ERC2: variants seen among roughly 807,000 people sequenced by gnomAD.
The protein encoded by ERC2 is ERC protein 2.
A neutral mutation model predicts 114.8 loss-of-function variants in ERC2; 42 were observed. That is an observed-to-expected ratio of 0.37 (90% CI 0.29 to 0.47). The LOEUF is 0.47. ERC2 is among the 20% of genes least tolerant of loss of function. ERC2 has a pLI of 0.99. For missense variants in ERC2, 939 were observed against 1,150.7 expected, an observed-to-expected ratio of 0.82 and a Z score of 2.66; for synonymous variants, 454 against 425.5, an observed-to-expected ratio of 1.07 and a Z score of -0.82.
rs567061511 is a variant in ERC2 at position 56,157,260 on chromosome 3, T to C, written c.1150-8128A>G. Among the ~76,000 whole-genome samples, 7 of 152,228 alleles carry C rather than the reference T, an allele frequency of 4.6e-5. No individual in the cohort carries two copies. In the South Asian group the frequency reaches 1.5e-3, roughly 32 times the overall value. ...ATTCTGGTTCTTTCTTCCACAGTAA[T>C]TTTAGCCTCTAAAGATCACCGAGCA... is the stretch of plus-strand genomic sequence containing the variant. On this transcript the variant is annotated intron_variant, in intron 4 of 17. Coordinates refer to ENST00000288221, the MANE Select transcript of ERC2 (RefSeq NM_015576.3).
At chr3:56,374,869 C>T (rs2059482353) in intron 2 of ERC2, among the ~76,000 whole-genome samples, 1 of 152,124 alleles carries the variant, frequency 6.6e-6, no homozygotes, top group Non-Finnish European at 1.5e-5. Flanking sequence ...AATGACTAAT[C>T]CTGATTATCT....
intron 15 of ERC2, among the ~76,000 whole-genome samples, chr3:55,707,616 G>C (rs1559528279): frequency 6.6e-6 from 1 of 152,158 alleles, no homozygotes; most frequent in Non-Finnish European, 1.5e-5. Context: ...ATAATGTTAG[G>C]ATCCTAACCG....
At chr3:55,902,643 G>C (rs1017802148) in intron 13 of ERC2, among the ~76,000 whole-genome samples, 2 of 152,184 alleles carry the variant, frequency 1.3e-5, no homozygotes, top group African/African-American at 4.8e-5. Context: ...CACAAGAGTA[G>C]ATCCGCTAAA....
intron 17 of ERC2, among the ~76,000 whole-genome samples, chr3:55,666,294 C>T (rs58824827): frequency 0.4 from 61,426 of 151,864 alleles, 13,090 homozygotes; most frequent in East Asian, 0.56. Flanking sequence ...CTTTCCAAAT[C>T]ACCATCTCCT....
intron 3 of ERC2, among the ~76,000 whole-genome samples, chr3:56,178,785 G>T (rs575441108): frequency 4.6e-5 from 7 of 152,022 alleles, no homozygotes; most frequent in Non-Finnish European, 8.8e-5. Flanking sequence ...GGAGGAAAAG[G>T]CACGATAATT....
At chr3:55,891,964 T>G (rs986928869) in intron 13 of ERC2, among the ~76,000 whole-genome samples, 5 of 152,200 alleles carry the variant, frequency 3.3e-5, no homozygotes, top group Admixed American at 3.3e-4. Flanking sequence ...ACTGATTGAC[T>G]GTACATATGT....
At chr3:55,716,682 T>G (rs1284556279) in intron 15 of ERC2, among the ~76,000 whole-genome samples, 1 of 152,218 alleles carries the variant, frequency 6.6e-6, no homozygotes, top group Admixed American at 6.5e-5. Flanking sequence ...CAATAAACTC[T>G]GTGGATCAAC....
intron 7 of ERC2, among the ~76,000 whole-genome samples, chr3:56,057,266 T>A (rs1252648358): frequency 6.6e-6 from 1 of 152,244 alleles, no homozygotes; most frequent in African/African-American, 2.4e-5. Flanking sequence ...TGTGCAGTCA[T>A]CACTGCCATC....
intron 6 of ERC2, among the ~76,000 whole-genome samples, chr3:56,136,627 T>C (rs531614734): frequency 6.6e-6 from 1 of 152,204 alleles, no homozygotes; most frequent in South Asian, 2.1e-4. Flanking sequence ...GTAGAAAGAC[T>C]CTTATTTACC....
intron 17 of ERC2, among the ~76,000 whole-genome samples, chr3:55,530,394 A>T (rs1192545490): frequency 6.6e-6 from 1 of 152,198 alleles, no homozygotes. Context: ...AAACAAAAAC[A>T]GGAGGCAGGC....
rs115553125 is a variant in ERC2, at chr3:56,333,035, C to G, written c.658-36600G>C. The stretch of plus-strand genomic sequence containing the variant: ...ATAAGTTAAACTTTTTTAGTTCATG[C>G]TGCCAGAGCTTTTTCCAATATGCAA... On this transcript the variant is annotated intron_variant, in intron 2 of 17. Coordinates refer to ENST00000288221, the MANE Select transcript of ERC2 (RefSeq NM_015576.3). 2.7e-3 allele frequency among the ~76,000 whole-genome samples: 411 copies of G among 152,332 alleles called. 2 individuals are homozygous for G. The highest frequency in any genetic ancestry group is 8.5e-3 in the African/African-American group (352 of 41,576).
intron 3 of ERC2, among the ~76,000 whole-genome samples, chr3:56,196,927 A>C (rs1054377523): frequency 6.6e-6 from 1 of 152,170 alleles, no homozygotes; most frequent in African/African-American, 2.4e-5. Flanking sequence ...AATCCCCAGC[A>C]TGACACTCTG....
intron 16 of ERC2, among the ~76,000 whole-genome samples, chr3:55,695,215 A>G (rs2062865479): frequency 6.6e-6 from 1 of 152,198 alleles, no homozygotes; most frequent in Non-Finnish European, 1.5e-5. Context: ...TGTCTCCAGC[A>G]TGTTTCATTT....
At chr3:55,593,645 TC>T (rs1474232649) in intron 17 of ERC2, among the ~76,000 whole-genome samples, 2 of 152,188 alleles carry the variant, frequency 1.3e-5, no homozygotes, top group Non-Finnish European at 1.5e-5. Flanking sequence ...TATCCCTGTC[TC>T]CCCACTTTTC....
At position 56,434,715 on chromosome 3, in the gene ERC2, A is replaced by C; in HGVS notation, c.293T>G (p.Met98Arg). ...AGAAGCAATATTGGGACTACTCCCC[A>C]TGGCTGTGACACGGCCTCCATATAC... ...RAVYGGRVTA[M>R]GSSPNIASAG... The change falls in exon 2 of 18, where the codon ATG becomes AGG. Residue 98 changes from methionine (M) to arginine (R), a missense_variant. Met to Arg is a moderately conservative substitution (Grantham distance 91). Transcript: ENST00000288221. 6.2e-7 allele frequency: 1 copy of C among 1,613,960 alleles called. No homozygotes were observed. The highest frequency in any genetic ancestry group is 8.5e-7 in the Non-Finnish European group (1 of 1,179,876).
rs551211992 is a variant in ERC2 at position 55,627,503 on chromosome 3, C to A, written c.*39+56291G>T. ...AAAGAAAAAAGAAAAAAAGAAATTT[C>A]TTTTTTCTCTGGGTCTGTTTAACAA... On this transcript the variant is annotated intron_variant, in intron 17 of 17. Transcript: ENST00000288221. Among the ~76,000 whole-genome samples the A allele has an allele frequency of 6.6e-5, 10 of 152,134 alleles. No homozygotes were observed. The South Asian group carries it at 2.1e-3, about 32-fold the overall frequency.
intron 12 of ERC2, among the ~76,000 whole-genome samples, chr3:55,982,371 C>A (rs734941): frequency 0.71 from 107,668 of 151,880 alleles, 38,299 homozygotes; most frequent in East Asian, 0.83. Flanking sequence ...AAATTTAGCA[C>A]AATGTTCAAC....
At chr3:56,436,635 C>T (rs770627419) in intron 1 of ERC2, among the ~76,000 whole-genome samples, 16 of 152,160 alleles carry the variant, frequency 1.1e-4, no homozygotes, top group Non-Finnish European at 1.6e-4. Context: ...ACATGACCCA[C>T]GCCTGGCCAA....
chr3:55,676,408 G>T (rs1178933385), intron 17 of ERC2, among the ~76,000 whole-genome samples: 1 of 150,616 alleles, frequency 6.6e-6, no homozygotes. Context: ...CAGACTTTTG[G>T]GCTGGCTGGT....
Sources: gnomAD v4.1 joint callset for allele counts (sites outside exome capture counted in the v4.1 genomes callset) on GRCh38, gnomAD v4.1.1 for gene constraint, MANE v1.5 for transcripts, NCBI Gene and HGNC (gene_info 2026-07-23, HGNC 2026-07-21) for gene names.